Variants in CSMD1 observed in about 807,000 individuals in gnomAD.
The protein encoded by CSMD1 is CUB and Sushi multiple domains 1.
A neutral mutation model predicts 417.5 loss-of-function variants in CSMD1; 213 were observed. The observed-to-expected ratio is 0.51, with a 90% CI of 0.46 to 0.57. CSMD1 has a LOEUF of 0.57. CSMD1 is among the 20% of genes least tolerant of loss of function. The pLI, the probability that CSMD1 is intolerant of heterozygous loss-of-function variation, is 0.00. For missense variants in CSMD1, 6,923 were observed against 4,529.7 expected (o/e 1.53, Z -15.17); for synonymous variants, 2,862 against 1,736.8 (o/e 1.65, Z -16.11).
chr8:4,394,223 A>G (rs1804053431), intron 3 of CSMD1, among the ~76,000 whole-genome samples: 1 of 152,212 alleles, frequency 6.6e-6, no homozygotes, highest in Non-Finnish European at 1.5e-5. Flanking sequence ...TCTTAGAAAA[A>G]CAGTAATTAT....
chr8:2,995,301 C>A (rs916963273), intron 54 of CSMD1, among the ~76,000 whole-genome samples: 2 of 152,178 alleles, frequency 1.3e-5, no homozygotes, highest in Non-Finnish European at 2.9e-5. Context: ...AAGGTACTCA[C>A]GTCGTTAGCC....
intron 10 of CSMD1, among the ~76,000 whole-genome samples, chr8:3,569,842 G>A (rs943323166): frequency 2.0e-5 from 3 of 152,082 alleles, no homozygotes; most frequent in Non-Finnish European, 2.9e-5. Flanking sequence ...TAAGAGTATT[G>A]GTTGTGCGGG....
At chr8:3,622,122 G>C (rs902441534) in intron 7 of CSMD1, among the ~76,000 whole-genome samples, 18 of 152,196 alleles carry the variant, frequency 1.2e-4, no homozygotes, top group African/African-American at 4.1e-4. Flanking sequence ...TTCTCAATGA[G>C]TAAGCAGTGG....
chr8:3,610,636 A>G (rs995530472), intron 8 of CSMD1, among the ~76,000 whole-genome samples: 2 of 152,194 alleles, frequency 1.3e-5, no homozygotes, highest in East Asian at 1.9e-4. Flanking sequence ...GATGACATTC[A>G]CTTCAATTCA....
intron 21 of CSMD1, among the ~76,000 whole-genome samples, chr8:3,354,022 G>A (rs1245563884): frequency 6.6e-6 from 1 of 152,102 alleles, no homozygotes; most frequent in African/African-American, 2.4e-5. Context: ...AGACAGACGT[G>A]GAGGCTAGGA....
rs565749097 is a variant in CSMD1, at chr8:3,823,335, C to T, written c.819-69293G>A. Among the ~76,000 whole-genome samples the T allele has an allele frequency of 1.2e-4, 19 of 152,158 alleles. No homozygotes were observed. The South Asian group carries it at 2.3e-3, about 18-fold the overall frequency. On this transcript the variant is annotated intron_variant, in intron 5 of 69. Transcript: ENST00000635120. ...CTTCTGGGTGCATGTGTAACAGGGA[C>T]CCAGTACTCTCATTTTTAATCCCGG...
chr8:3,647,128 T>C (rs574916160), intron 7 of CSMD1, among the ~76,000 whole-genome samples: 164 of 152,162 alleles, frequency 1.1e-3, no homozygotes, highest in African/African-American at 3.8e-3. Flanking sequence ...GAATAAATCA[T>C]AGGAATGTAA....
intron 3 of CSMD1, among the ~76,000 whole-genome samples, chr8:4,344,153 C>G (rs190672897): frequency 6.6e-6 from 1 of 152,180 alleles, no homozygotes; most frequent in Admixed American, 6.5e-5. Flanking sequence ...TGAGAAATGC[C>G]TTGTTAATCT....
chr8:3,444,757 A>G (rs572242578), intron 12 of CSMD1, among the ~76,000 whole-genome samples: 1 of 152,324 alleles, frequency 6.6e-6, no homozygotes, highest in African/African-American at 2.4e-5. Context: ...AAAAGGCCAC[A>G]TTTATCCTGT....
chr8:4,310,515 A>G (rs962745986), intron 3 of CSMD1, among the ~76,000 whole-genome samples: 11 of 97,042 alleles, frequency 1.1e-4, no homozygotes, highest in Non-Finnish European at 2.6e-4. Context: ...TTTCTTCCAC[A>G]TTAAATAAAA....
chr8:4,148,432 T>G (rs1222291882), intron 3 of CSMD1, among the ~76,000 whole-genome samples: 3 of 151,758 alleles, frequency 2.0e-5, no homozygotes, highest in African/African-American at 7.3e-5. Flanking sequence ...GATGAGTTAA[T>G]TCCTGCAGCA....
intron 3 of CSMD1, among the ~76,000 whole-genome samples, chr8:4,051,924 T>C (rs868121202): frequency 0.011 from 1,299 of 123,610 alleles, 13 homozygotes; most frequent in African/African-American, 0.035. Context: ...TTCTTTCTTT[T>C]TCTTTCTTTC....
At chr8:3,809,871 T>C (rs938702838) in intron 5 of CSMD1, among the ~76,000 whole-genome samples, 12 of 152,172 alleles carry the variant, frequency 7.9e-5, no homozygotes, top group African/African-American at 2.7e-4. Context: ...AACGTCAATA[T>C]CACCCGTTAC....
chr8:3,504,879 C>G lies in CSMD1; in HGVS notation c.1345-11153G>C, dbSNP rs78513993. On this transcript the variant is annotated intron_variant, in intron 10 of 69. Transcript: ENST00000635120. ...GTGAAAATGATAGTGGCAAATGTGG[C>G]AAGGAAAATTTCTGAAGCAGAACCC... Among the ~76,000 whole-genome samples, 1,440 of 151,968 alleles carry G rather than the reference C, an allele frequency of 9.5e-3. 35 individuals carry two copies. The highest frequency in any genetic ancestry group is 0.082 in the East Asian group (424 of 5,158).
At chr8:3,356,006 A>G (rs1394734761) in intron 21 of CSMD1, among the ~76,000 whole-genome samples, 2 of 152,200 alleles carry the variant, frequency 1.3e-5, no homozygotes, top group African/African-American at 4.8e-5. Flanking sequence ...ACAAATAATA[A>G]AAAAGTTTCC....
chr8:3,408,271 A>G (rs758053307), intron 13 of CSMD1, 46 bp from the exon 14 acceptor site: 2 of 1,431,850 alleles, frequency 1.4e-6, no homozygotes, highest in African/African-American at 2.8e-5. Context: ...CACATATCCA[A>G]AGAATTGCCA....
intron 1 of CSMD1, among the ~76,000 whole-genome samples, chr8:4,742,246 G>T (rs928865183): frequency 6.6e-6 from 1 of 150,602 alleles, no homozygotes; most frequent in Non-Finnish European, 1.5e-5. Flanking sequence ...TAGCCAGGAT[G>T]GTCTCGATCT....
chr8:4,330,317 G>C (rs1799797748), intron 3 of CSMD1, among the ~76,000 whole-genome samples: 2 of 151,532 alleles, frequency 1.3e-5, no homozygotes, highest in Non-Finnish European at 3.0e-5. Context: ...ATTTTGGGCT[G>C]GGCGTGCTGG....
intron 5 of CSMD1, among the ~76,000 whole-genome samples, chr8:3,872,651 T>C (rs1805553275): frequency 1.3e-5 from 2 of 152,200 alleles, no homozygotes; most frequent in Admixed American, 1.3e-4. Context: ...AATTTATTAA[T>C]GAGTTTATTT....
Sources: gnomAD v4.1 joint callset for allele counts (sites outside exome capture counted in the v4.1 genomes callset) on GRCh38, gnomAD v4.1.1 for gene constraint, MANE v1.5 for transcripts, NCBI Gene and HGNC (gene_info 2026-07-23, HGNC 2026-07-21) for gene names.